RBFOX1: variants seen among roughly 807,000 people sequenced by gnomAD.
RBFOX1 encodes RNA binding fox-1 homolog 1.
RBFOX1 carries 8 observed loss-of-function variants against 57.7 expected under a neutral mutation model. The observed-to-expected ratio is 0.14, with a 90% CI of 0.08 to 0.25. RBFOX1 has a LOEUF of 0.25. Among genes scored for constraint, RBFOX1 ranks in the 10% least tolerant of loss-of-function variants. RBFOX1 has a pLI of 1.00. For missense variants in RBFOX1, 611 were observed against 548.5 expected (o/e 1.11, Z -1.14); for synonymous variants, 326 against 222.4 (o/e 1.47, Z -4.15).
intron 3 of RBFOX1, among the ~76,000 whole-genome samples, chr16:6,979,283 G>A (rs6500893): frequency 0.8 from 122,166 of 152,108 alleles, 49,740 homozygotes; most frequent in African/African-American, 0.95. Context: ...GGATTCTATG[G>A]GGTCCTGTCT....
At chr16:5,393,707 A>G (rs552635512) in intron 1 of RBFOX1, among the ~76,000 whole-genome samples, 13 of 152,272 alleles carry the variant, frequency 8.5e-5, no homozygotes, top group African/African-American at 2.9e-4. Context: ...GTGGTAAAAT[A>G]TATGTAATTT....
chr16:5,803,213 G>T (rs2151757783), intron 3 of RBFOX1, among the ~76,000 whole-genome samples: 1 of 152,198 alleles, frequency 6.6e-6, no homozygotes, highest in African/African-American at 2.4e-5. Context: ...CCATACCTCA[G>T]TACCCCGTGA....
At chr16:7,701,505 G>T (rs1200078144) in intron 14 of RBFOX1, among the ~76,000 whole-genome samples, 1 of 152,008 alleles carries the variant, frequency 6.6e-6, no homozygotes, top group Non-Finnish European at 1.5e-5. Context: ...AAGTGGAACA[G>T]TTTTTTTTCC....
At chr16:7,344,252 A>T (rs563285801) in intron 4 of RBFOX1, among the ~76,000 whole-genome samples, 1 of 151,374 alleles carries the variant, frequency 6.6e-6, no homozygotes, top group East Asian at 1.9e-4. Flanking sequence ...ATTTCTGAGG[A>T]TCAAATCAAT....
intron 4 of RBFOX1, among the ~76,000 whole-genome samples, chr16:7,353,203 C>G (rs893241593): frequency 3.3e-5 from 5 of 152,234 alleles, no homozygotes; most frequent in Middle Eastern, 3.4e-3. Context: ...TACTTTTCGT[C>G]TCTAATTTAA....
chr16:6,864,198 C>T (rs1007874260), intron 3 of RBFOX1, among the ~76,000 whole-genome samples: 2 of 152,096 alleles, frequency 1.3e-5, no homozygotes, highest in African/African-American at 2.4e-5. Context: ...ATAAATAATT[C>T]ACTTTTTTCT....
At chr16:5,614,915 G>A (rs565833946) in intron 3 of RBFOX1, among the ~76,000 whole-genome samples, 2 of 152,178 alleles carry the variant, frequency 1.3e-5, no homozygotes, top group African/African-American at 2.4e-5. Context: ...GAGGGTGGGG[G>A]TTTGGTCCAT....
intron 1 of RBFOX1, among the ~76,000 whole-genome samples, chr16:6,171,233 C>G (rs2096957962): frequency 6.6e-6 from 1 of 152,148 alleles, no homozygotes; most frequent in Admixed American, 6.6e-5. Flanking sequence ...TGGGATGATT[C>G]TACATATTTT....
chr16:5,919,950 T>A (rs1277095657), intron 4 of RBFOX1, among the ~76,000 whole-genome samples: 1 of 150,858 alleles, frequency 6.6e-6, no homozygotes, highest in Non-Finnish European at 1.5e-5. Flanking sequence ...AGTACTTCCA[T>A]TTTTTTTAGA....
At chr16:5,285,561 C>G (rs944940932) in intron 1 of RBFOX1, among the ~76,000 whole-genome samples, 3 of 152,166 alleles carry the variant, frequency 2.0e-5, no homozygotes, top group South Asian at 2.1e-4. Flanking sequence ...ATCTGTGCCT[C>G]TGACATAACC....
At chr16:6,918,771 A>C (rs1193973398) in intron 3 of RBFOX1, among the ~76,000 whole-genome samples, 14 of 152,228 alleles carry the variant, frequency 9.2e-5, no homozygotes, top group South Asian at 2.1e-4. Flanking sequence ...TGGTTAATTA[A>C]TCTTGGGCAT....
At chr16:5,450,283 C>T (rs888814723) in intron 1 of RBFOX1, among the ~76,000 whole-genome samples, 4 of 152,180 alleles carry the variant, frequency 2.6e-5, no homozygotes, top group African/African-American at 9.7e-5. Context: ...GGGGGCAAGT[C>T]TGAGGCTCTG....
chr16:6,494,839 T>A (rs1181933720), intron 2 of RBFOX1, among the ~76,000 whole-genome samples: 1 of 152,214 alleles, frequency 6.6e-6, no homozygotes, highest in African/African-American at 2.4e-5. Context: ...TATTTTTACA[T>A]AAACACGGCA....
chr16:7,303,487 C>G (rs974807476), intron 4 of RBFOX1, among the ~76,000 whole-genome samples: 1 of 152,200 alleles, frequency 6.6e-6, no homozygotes, highest in African/African-American at 2.4e-5. Context: ...ATGCCGGGCG[C>G]GCGGGGCGCT....
chr16:6,780,702 G>A (rs1467455846), intron 3 of RBFOX1, among the ~76,000 whole-genome samples: 2 of 150,170 alleles, frequency 1.3e-5, no homozygotes, highest in Non-Finnish European at 3.0e-5. Context: ...ACTGGGGTGA[G>A]ATATTTCATT....
chr16:7,170,111 C>A (rs924067432), intron 4 of RBFOX1, among the ~76,000 whole-genome samples: 1 of 152,072 alleles, frequency 6.6e-6, no homozygotes, highest in Non-Finnish European at 1.5e-5. Flanking sequence ...TTGGTGTATG[C>A]ATGCTGGGTA....
chr16:7,701,634 C>T (rs1384523467), intron 14 of RBFOX1, among the ~76,000 whole-genome samples: 1 of 151,998 alleles, frequency 6.6e-6, no homozygotes, highest in East Asian at 1.9e-4. Context: ...TTAGTTCCTC[C>T]AACTTCAGTA....
chr16:5,607,560 A>C (rs1158802715), intron 3 of RBFOX1, among the ~76,000 whole-genome samples: 2 of 152,094 alleles, frequency 1.3e-5, no homozygotes, highest in South Asian at 4.2e-4. Context: ...ATGGGGAGTG[A>C]AGGTCTTTTC....
chr16:7,383,741 C>T (rs973002184), intron 4 of RBFOX1, among the ~76,000 whole-genome samples: 1 of 152,126 alleles, frequency 6.6e-6, no homozygotes, highest in Non-Finnish European at 1.5e-5. Flanking sequence ...ATCCAAGTTA[C>T]ATCATACAAA....
Sources: gnomAD v4.1 joint callset for allele counts (sites outside exome capture counted in the v4.1 genomes callset) on GRCh38, gnomAD v4.1.1 for gene constraint, MANE v1.5 for transcripts, NCBI Gene and HGNC (gene_info 2026-07-23, HGNC 2026-07-21) for gene names.